The following FNBP1 variants were observed in gnomAD, a reference collection of about 807,000 sequenced individuals.
The protein encoded by FNBP1 is formin binding protein 1.
Under a neutral mutation model 90.6 loss-of-function variants are expected in FNBP1, and 26 were observed. That is an observed-to-expected ratio of 0.29 (90% CI 0.21 to 0.40). The LOEUF is 0.40. Among genes scored for constraint, FNBP1 ranks in the 10% least tolerant of loss-of-function variants. The pLI, the probability that FNBP1 is intolerant of heterozygous loss-of-function variation, is 1.00. For missense variants in FNBP1, 635 were observed against 768.0 expected, an observed-to-expected ratio of 0.83 and a Z score of 2.05; for synonymous variants, 260 against 265.2, an observed-to-expected ratio of 0.98 and a Z score of 0.19.
Position 129,916,116 on chromosome 9 carries a change from G to A in FNBP1, c.1171-136C>T, listed in dbSNP as rs141705803. The stretch of plus-strand genomic sequence containing the variant: ...ATTAAAATAACACACACGTCTACCC[G>A]CTGATTTATAAAAATGACTTGTAGC... On this transcript the variant is annotated intron_variant, in intron 10 of 16. Coordinates refer to ENST00000446176, the MANE Select transcript of FNBP1 (RefSeq NM_015033.3). 425 of 639,970 alleles carry A rather than the reference G, an allele frequency of 6.6e-4. 1 individual carries two copies. The highest frequency in any genetic ancestry group is 6.5e-3 in the African/African-American group (355 of 54,440). The allele number at this position is 639,970 out of a possible 1,614,324, so 39.6% of individuals were successfully genotyped here.
chr9:130,022,773 G>A (rs769259095), intron 1 of FNBP1, among the ~76,000 whole-genome samples: 8 of 151,948 alleles, frequency 5.3e-5, no homozygotes, highest in East Asian at 1.9e-4. Context: ...CCTCAGGCTC[G>A]GGTGATCATC....
At chr9:129,991,231 TA>T (rs376053477) in intron 2 of FNBP1, among the ~76,000 whole-genome samples, 263 of 151,680 alleles carry the variant, frequency 1.7e-3, no homozygotes, top group African/African-American at 6.1e-3. Context: ...AGGATGCAGC[TA>T]CCCTCAGGTG....
chr9:129,935,563 CT>C (rs1276555859), intron 6 of FNBP1, among the ~76,000 whole-genome samples: 4 of 152,148 alleles, frequency 2.6e-5, no homozygotes, highest in Admixed American at 2.0e-4. Context: ...TCTCGGTTCA[CT>C]GCAACCTCCG....
chr9:130,023,588 C>T (rs997313107), intron 1 of FNBP1, among the ~76,000 whole-genome samples: 1 of 152,146 alleles, frequency 6.6e-6, no homozygotes, highest in South Asian at 2.1e-4. Context: ...CAAGAGGGAC[C>T]AGCAACATAA....
intron 6 of FNBP1, among the ~76,000 whole-genome samples, chr9:129,931,488 C>T (rs1222064685): frequency 6.6e-6 from 1 of 151,730 alleles, no homozygotes; most frequent in Non-Finnish European, 1.5e-5. Context: ...TGCCTGTAGT[C>T]CCAGCTACTC....
At position 130,041,376 on chromosome 9, in the gene FNBP1, T is replaced by C. The variant is rs2059807007; in HGVS notation, c.24+1576A>G. Among the ~76,000 whole-genome samples, 1 of 152,116 alleles carries C rather than the reference T, an allele frequency of 6.6e-6. No homozygotes were observed. On this transcript the variant is annotated intron_variant, in intron 1 of 16. Transcript: ENST00000446176. The surrounding 1 kb of genome is among the most constrained non-coding windows in gnomAD (Gnocchi z 4.3). ...TATATTGTACATTTTCCCTCCATAA[T>C]TCCATCCACCTGTCTGAACAAGTGA...
intron 1 of FNBP1, among the ~76,000 whole-genome samples, chr9:130,008,272 C>T (rs190668377): frequency 2.2e-4 from 34 of 152,022 alleles, no homozygotes; most frequent in Middle Eastern, 3.4e-3. Context: ...TGACCTGGGC[C>T]TGGGGAGGTC....
intron 6 of FNBP1, among the ~76,000 whole-genome samples, chr9:129,950,503 TA>T: frequency 6.6e-6 from 1 of 152,316 alleles, no homozygotes; most frequent in Non-Finnish European, 1.5e-5. Context: ...GTGCACTTTT[TA>T]AAAGTTAAAA....
chr9:129,920,452 C>T (rs572528124), intron 10 of FNBP1, among the ~76,000 whole-genome samples: 2 of 152,158 alleles, frequency 1.3e-5, no homozygotes, highest in African/African-American at 4.8e-5. Flanking sequence ...CAGGTGTGCA[C>T]CACCATGCCC....
chr9:130,052,930 C>T, the FNBP1 span, among the ~76,000 whole-genome samples: 263 of 151,952 alleles, frequency 1.7e-3, 1 homozygote, highest in Non-Finnish European at 2.2e-3. Flanking sequence ...GCCTGGCCAA[C>T]ATGGGAGAAA....
At chr9:130,047,456 T>C (rs1243001063), upstream of FNBP1, among the ~76,000 whole-genome samples, 9 of 152,070 alleles carry the variant, frequency 5.9e-5, no homozygotes, top group Non-Finnish European at 1.3e-4. Flanking sequence ...CTACTAAAAA[T>C]ACAAAAATTA....
chr9:130,041,437 A>G lies in FNBP1; in HGVS notation c.24+1515T>C, dbSNP rs1190739965. 6.6e-6 allele frequency among the ~76,000 whole-genome samples: 1 copy of G among 152,198 alleles called. No individual in the cohort carries two copies. The highest frequency in any genetic ancestry group is 2.4e-5 in the African/African-American group (1 of 41,448). ...GTGCCACAATTTCTACTGTCTTGAC[A>G]AAGATTACTTCTGATTTGCTTCCCC... On this transcript the variant is annotated intron_variant, in intron 1 of 16. Transcript: ENST00000446176. The surrounding 1 kb of genome is among the most constrained non-coding windows in gnomAD (Gnocchi z 4.3).
chr9:129,985,791 C>T (rs927555630), intron 2 of FNBP1, among the ~76,000 whole-genome samples: 10 of 151,628 alleles, frequency 6.6e-5, no homozygotes, highest in South Asian at 4.2e-4. Context: ...GGTGAAACCC[C>T]GTCTCTACTA....
At chr9:129,931,874 C>T (rs914944346) in intron 6 of FNBP1, among the ~76,000 whole-genome samples, 3 of 6,674 alleles carry the variant, frequency 4.5e-4, no homozygotes, top group African/African-American at 1.7e-3. Context: ...ATCAGAAACA[C>T]AAGAAAAAGA....
chr9:129,986,683 G>A (rs973231512), intron 2 of FNBP1, among the ~76,000 whole-genome samples: 3 of 151,922 alleles, frequency 2.0e-5, no homozygotes, highest in African/African-American at 2.4e-5. Context: ...CCAGCTACTC[G>A]GGAGGCTGAG....
At chr9:129,914,753 A>ATGTG (rs1256859536) in intron 11 of FNBP1, among the ~76,000 whole-genome samples, 1,068 of 86,126 alleles carry the variant, frequency 0.012, 18 homozygotes, top group Non-Finnish European at 0.018. Context: ...ATACATACAT[A>ATGTG]TGTCTATATA....
chr9:130,008,039 A>T (rs1447908741), intron 1 of FNBP1, among the ~76,000 whole-genome samples: 2 of 69,864 alleles, frequency 2.9e-5, no homozygotes, highest in East Asian at 2.4e-4. Context: ...TTTTTTCATT[A>T]AAAAAAAAAA....
intron 4 of FNBP1, among the ~76,000 whole-genome samples, chr9:129,973,627 A>G (rs927311721): frequency 1.3e-5 from 2 of 149,974 alleles, no homozygotes; most frequent in Admixed American, 6.6e-5. Flanking sequence ...CAGCCTCCCA[A>G]GTAGCTGGGA....
At chr9:129,911,579 C>T (rs183863134) in intron 11 of FNBP1, among the ~76,000 whole-genome samples, 2 of 152,180 alleles carry the variant, frequency 1.3e-5, no homozygotes, top group African/African-American at 4.8e-5. Flanking sequence ...CCCCCTCCCC[C>T]ACACCTTGCC....
Sources: gnomAD v4.1 joint callset for allele counts (sites outside exome capture counted in the v4.1 genomes callset) on GRCh38, gnomAD v4.1.1 for gene constraint, Gnocchi (gnomAD v3.1) non-coding constraint, MANE v1.5 for transcripts, NCBI Gene and HGNC (gene_info 2026-07-23, HGNC 2026-07-21) for gene names.